The following XRRA1 variants were observed in gnomAD, a reference collection of about 807,000 sequenced individuals.
The protein encoded by XRRA1 is X-ray radiation resistance-associated protein 1.
XRRA1 carries 69 observed loss-of-function variants against 80.2 expected under a neutral mutation model. That is an observed-to-expected ratio of 0.86 (90% confidence interval 0.71 to 1.05). The LOEUF is 1.05. Ranked by LOEUF, XRRA1 falls within the 50% of genes least tolerant of loss-of-function variation. The pLI, the probability that XRRA1 is intolerant of heterozygous loss-of-function variation, is 0.00. For missense variants in XRRA1, 967 were observed against 976.4 expected (o/e 0.99, Z 0.13); for synonymous variants, 348 against 389.9 (o/e 0.89, Z 1.27).
chr11:74,905,439 T>C (rs2054373176), intron 10 of XRRA1, among the ~76,000 whole-genome samples: 1 of 152,178 alleles, frequency 6.6e-6, no homozygotes, highest in African/African-American at 2.4e-5. Context: ...CAAAACCGTA[T>C]TTCTGCTTTG....
chr11:74,848,892 A>T (rs1189001100), intron 14 of XRRA1, among the ~76,000 whole-genome samples: 1 of 151,960 alleles, frequency 6.6e-6, no homozygotes, highest in Non-Finnish European at 1.5e-5. Context: ...TTCCCCAGGG[A>T]CTCCGAGGAG....
chr11:74,935,888 A>G (rs1428242061), intron 4 of XRRA1, among the ~76,000 whole-genome samples: 1 of 152,164 alleles, frequency 6.6e-6, no homozygotes, highest in Non-Finnish European at 1.5e-5. Context: ...ACAAGGGAAG[A>G]AAAAAAGGCC....
chr11:74,843,923 T>C lies in XRRA1; in HGVS notation c.2080A>G (p.Arg694Gly). Residue 694 changes from arginine (R) to glycine (G), a missense_variant, in exon 18 of 19, where the codon AGA (arginine) becomes GGA (glycine). By Grantham distance (125) the Arg-to-Gly change is moderately radical (BLOSUM62 -2). Transcript: ENST00000684022. ...RIPIPPPKKT[R>G]AQLLDDIFIR... ...AAGATGTCATCCAGAAGTTGGGCTC[T>C]AGTCTTCTTTGGGGGTGGAATCGGG... The C allele has an allele frequency of 6.2e-7, 1 of 1,613,616 alleles. No homozygotes were observed. Among genetic ancestry groups the C allele is most frequent in the Non-Finnish European group, 8.5e-7 (1 of 1,179,698 alleles).
chr11:74,937,274 C>G (rs1326278548), intron 3 of XRRA1, among the ~76,000 whole-genome samples: 1 of 152,120 alleles, frequency 6.6e-6, no homozygotes, highest in African/African-American at 2.4e-5. Flanking sequence ...AAACATGTCA[C>G]TGTCATGATT....
intron 8 of XRRA1, among the ~76,000 whole-genome samples, chr11:74,911,636 G>A (rs1300330834): frequency 6.6e-6 from 1 of 152,246 alleles, no homozygotes; most frequent in African/African-American, 2.4e-5. Flanking sequence ...TTGAACTCCT[G>A]GCCTAAAACG....
intron 5 of XRRA1, among the ~76,000 whole-genome samples, chr11:74,931,313 T>C (rs1335069799): frequency 6.6e-6 from 1 of 151,904 alleles, no homozygotes; most frequent in Non-Finnish European, 1.5e-5. Context: ...TTGACAGTTG[T>C]AGTTCTAGTT....
chr11:74,948,669 G>C (rs1948152717), intron 1 of XRRA1, among the ~76,000 whole-genome samples: 1 of 152,114 alleles, frequency 6.6e-6, no homozygotes, highest in Admixed American at 6.5e-5. Flanking sequence ...GGGCTGTTGT[G>C]GGACTCAGTG....
At chr11:74,918,462 GTC>G (rs556652689) in intron 8 of XRRA1, among the ~76,000 whole-genome samples, 1 of 152,178 alleles carries the variant, frequency 6.6e-6, no homozygotes, top group Non-Finnish European at 1.5e-5. Flanking sequence ...ATGGAACTGT[GTC>G]TCATCCTTCT....
intron 10 of XRRA1, among the ~76,000 whole-genome samples, chr11:74,876,035 G>C (rs941143336): frequency 6.6e-6 from 1 of 152,220 alleles, no homozygotes; most frequent in Non-Finnish European, 1.5e-5. Flanking sequence ...CTGGATAGAA[G>C]CATTTCCATG....
At chr11:74,948,012 C>T (rs1292605818) in intron 1 of XRRA1, among the ~76,000 whole-genome samples, 1 of 152,050 alleles carries the variant, frequency 6.6e-6, no homozygotes, top group Admixed American at 6.5e-5. Context: ...CACGCCCGGC[C>T]GAGATAATTA....
chr11:74,916,424 C>T (rs1938704020), intron 8 of XRRA1, among the ~76,000 whole-genome samples: 1 of 152,026 alleles, frequency 6.6e-6, no homozygotes, highest in Non-Finnish European at 1.5e-5. Flanking sequence ...TTTGCTGATT[C>T]TCTCTTCTGA....
At chr11:74,879,247 A>T (rs1300184929) in intron 10 of XRRA1, among the ~76,000 whole-genome samples, 1 of 150,734 alleles carries the variant, frequency 6.6e-6, no homozygotes, top group Middle Eastern at 3.4e-3. Context: ...GAGTTCACTC[A>T]TGATTTGGCT....
chr11:74,905,935 T>C (rs1431912979), intron 10 of XRRA1, among the ~76,000 whole-genome samples: 1 of 152,194 alleles, frequency 6.6e-6, no homozygotes, highest in Non-Finnish European at 1.5e-5. Flanking sequence ...TGGTGAATTC[T>C]TCCAAAATTT....
intron 8 of XRRA1, among the ~76,000 whole-genome samples, chr11:74,907,672 A>T (rs1029029218): frequency 1.3e-5 from 2 of 152,148 alleles, no homozygotes; most frequent in Non-Finnish European, 2.9e-5. Flanking sequence ...CACCTAGTAG[A>T]CTGGTAACTG....
chr11:74,887,032 A>T (rs1210952142), intron 10 of XRRA1, among the ~76,000 whole-genome samples: 1 of 152,218 alleles, frequency 6.6e-6, no homozygotes, highest in African/African-American at 2.4e-5. Flanking sequence ...ATTGAAACTG[A>T]ACCCCTTCCT....
chr11:74,913,723 A>G (rs761086015), intron 8 of XRRA1: 10 of 152,164 alleles, frequency 6.6e-5, no homozygotes, highest in Non-Finnish European at 1.3e-4. Flanking sequence ...CCTGGCGAGC[A>G]GGAAAAGTTG....
chr11:74,917,872 T>C (rs1203806178), intron 8 of XRRA1, among the ~76,000 whole-genome samples: 1 of 152,124 alleles, frequency 6.6e-6, no homozygotes, highest in East Asian at 1.9e-4. Context: ...CTTGCATTTC[T>C]CATTTCACTG....
At position 74,842,158 on chromosome 11, in the gene XRRA1, A is replaced by C. The variant is rs1354071633; in HGVS notation, c.*1042T>G. ...TGTCTGCTTTAGGATTGGAGAAGGT[A>C]CCTGGATCCTTGTGGACTGCCACTG... On this transcript the variant is annotated 3_prime_UTR_variant, in exon 19 of 19. Transcript: ENST00000684022. 2 of 152,226 alleles carry C rather than the reference A, an allele frequency of 1.3e-5. No homozygotes were observed. The highest frequency in any genetic ancestry group is 2.1e-4 in the South Asian group (1 of 4,830). 9.4% of individuals were successfully genotyped at this position (152,226 alleles called of 1,614,324 possible). A position where few individuals can be genotyped will look rare whatever the true frequency, so the allele number is the denominator to read the frequency against.
At chr11:74,922,164 G>C (rs1356364824) in intron 7 of XRRA1, among the ~76,000 whole-genome samples, 1 of 150,720 alleles carries the variant, frequency 6.6e-6, no homozygotes, top group African/African-American at 2.4e-5. Flanking sequence ...GGCTGAGGCA[G>C]GAGAATCGTG....
Sources: gnomAD v4.1 joint callset for allele counts (sites outside exome capture counted in the v4.1 genomes callset) on GRCh38, gnomAD v4.1.1 for gene constraint, MANE v1.5 for transcripts, NCBI Gene and HGNC (gene_info 2026-07-23, HGNC 2026-07-21) for gene names.